CES5A: variants seen among roughly 807,000 people sequenced by gnomAD.
CES5A encodes carboxylesterase 5A.
In CES5A, 67 loss-of-function variants were observed where a neutral mutation model predicts 62.9. That is an observed-to-expected ratio of 1.07 (90% confidence interval 0.88 to 1.31). The LOEUF is 1.31. Ranked by LOEUF, CES5A falls within the 50% of genes most tolerant of loss-of-function variation. The pLI is 0.00. For synonymous variants in CES5A, 296 were observed against 280.8 expected, an observed-to-expected ratio of 1.05 and a Z score of -0.54; for missense variants, 748 against 708.5, an observed-to-expected ratio of 1.06 and a Z score of -0.63.
At chr16:55,948,728 G>A (rs2034523324) in intron 2 of CES5A, among the ~76,000 whole-genome samples, 3 of 152,176 alleles carry the variant, frequency 2.0e-5, no homozygotes, top group South Asian at 4.1e-4. Flanking sequence ...AGCTAGGGAT[G>A]GTGATGGTGG....
At chr16:55,849,533 A>G in intron 11 of CES5A, 91 bp downstream of exon 11, 1 of 1,413,550 alleles carries the variant, frequency 7.1e-7, no homozygotes. Flanking sequence ...GAGGTAATTA[A>G]ATGCCAACCC....
intron 4 of CES5A, among the ~76,000 whole-genome samples, chr16:55,867,594 C>A (rs2033490923): frequency 6.6e-6 from 1 of 152,156 alleles, no homozygotes; most frequent in Non-Finnish European, 1.5e-5. Flanking sequence ...TCAAGCCCTG[C>A]CAATTTTACC....
Position 55,912,364 on chromosome 16 carries a change from T to C in CES5A, c.-256+12959A>G, listed in dbSNP as rs190803196. Among the ~76,000 whole-genome samples, 13 of 152,306 alleles carry C rather than the reference T, an allele frequency of 8.5e-5. No individual in the cohort carries two copies. The East Asian group carries it at 1.9e-3, about 23-fold the overall frequency. ...GCGTCTTTCCTTGTCTGTGAGGAGC[T>C]GTGCTGTGCCGGGTCTCTCTGGGCT... On this transcript the variant is annotated intron_variant, in intron 1 of 12. Transcript: ENST00000518005.
intron 1 of CES5A, among the ~76,000 whole-genome samples, chr16:55,887,123 G>T (rs2033824781): frequency 6.6e-6 from 1 of 152,096 alleles, no homozygotes. Flanking sequence ...GTGCCTCAAA[G>T]GCTAGAACAG....
intron 4 of CES5A, 57 bp from the exon 5 acceptor site, chr16:55,866,173 C>T: frequency 6.5e-7 from 1 of 1,547,252 alleles, no homozygotes; most frequent in Admixed American, 1.9e-5. Context: ...TTTCCCACAG[C>T]CCTGGAAGTT....
At position 55,901,189 on chromosome 16, in the gene CES5A, G is replaced by A. The variant is rs150903445; in HGVS notation, c.-256+24134C>T. ...CAAGATCTGATGGTTTTATAAAGGG[G>A]AGTTCCCCTGCACACTCTCTCACCT... On this transcript the variant is annotated intron_variant, in intron 1 of 12. Transcript: ENST00000518005. Among the ~76,000 whole-genome samples, 934 of 152,212 alleles carry A rather than the reference G, an allele frequency of 6.1e-3. 12 individuals carry two copies. Among genetic ancestry groups the A allele is most frequent in the African/African-American group, 0.022 (902 of 41,508 alleles).
At chr16:55,875,446 G>T (rs1461071551), upstream of CES5A, 1 of 1,124,038 alleles carries the variant, frequency 8.9e-7, no homozygotes, top group Non-Finnish European at 1.2e-6. Context: ...TAACTATTGA[G>T]CTGGGGAAAG....
At position 55,933,318 on chromosome 16, in the gene CES5A, G is replaced by A. The variant is rs147550549; in HGVS notation, c.160+16467C>T. Reference sequence around the variant, plus strand: ...GATATCTCATAAGCACTTTCTGATGGAAATGGACTTACTCAAGATACCCTT... The same window carrying A: ...GATATCTCATAAGCACTTTCTGATGAAAATGGACTTACTCAAGATACCCTT... On this transcript the variant is annotated intron_variant, in intron 2 of 13. Transcript: ENST00000521992. 1.7e-3 allele frequency among the ~76,000 whole-genome samples: 254 copies of A among 152,340 alleles called. 2 individuals are homozygous for A. The highest frequency in any genetic ancestry group is 5.8e-3 in the African/African-American group (243 of 41,578).
chr16:55,860,965 G>T (rs1252938330), intron 7 of CES5A, among the ~76,000 whole-genome samples: 2 of 152,220 alleles, frequency 1.3e-5, no homozygotes, highest in Non-Finnish European at 2.9e-5. Context: ...GATTTTGCTT[G>T]AATACCTGGA....
rs192480846 is a variant in CES5A at position 55,848,723 on chromosome 16, C to T, written c.1423+901G>A. Among the ~76,000 whole-genome samples the T allele has an allele frequency of 5.3e-5, 8 of 152,210 alleles. No individual in the cohort carries two copies. In the East Asian group the frequency reaches 5.8e-4, roughly 11 times the overall value. On this transcript the variant is annotated intron_variant, in intron 11 of 12. Transcript: ENST00000290567. ...GCTCTTCAGACATCAAGGAATTTAA[C>T]CTTTTGATACATATGTTGTTGACTT...
chr16:55,875,523 C>T (rs1306940587), upstream of CES5A, among the ~76,000 whole-genome samples: 1 of 152,204 alleles, frequency 6.6e-6, no homozygotes, highest in Admixed American at 6.5e-5. Flanking sequence ...CCAGGCAAGA[C>T]ATTTTAAGAT....
intron 1 of CES5A, among the ~76,000 whole-genome samples, chr16:55,911,778 G>A (rs890509412): frequency 1.3e-5 from 2 of 152,134 alleles, no homozygotes; most frequent in African/African-American, 4.8e-5. Flanking sequence ...AGAGCAAAAC[G>A]CAGAACTGGG....
At chr16:55,918,745 C>G (rs554572560) in intron 1 of CES5A, among the ~76,000 whole-genome samples, 1 of 152,294 alleles carries the variant, frequency 6.6e-6, no homozygotes, top group East Asian at 1.9e-4. Flanking sequence ...AACACATTCT[C>G]TCCATCACAT....
intron 1 of CES5A, among the ~76,000 whole-genome samples, chr16:55,950,101 G>A (rs1331590503): frequency 6.6e-6 from 1 of 152,072 alleles, no homozygotes; most frequent in Non-Finnish European, 1.5e-5. Context: ...AAAGGCAGAT[G>A]GAGAAGACTG....
chr16:55,891,235 G>A (rs1451643873), intron 1 of CES5A, among the ~76,000 whole-genome samples: 15 of 152,284 alleles, frequency 9.9e-5, no homozygotes, highest in Admixed American at 4.6e-4. Context: ...CCACATGTCC[G>A]GAATAAGAAC....
intron 2 of CES5A, among the ~76,000 whole-genome samples, chr16:55,941,636 T>A (rs1291158291): frequency 6.6e-6 from 1 of 151,938 alleles, no homozygotes; most frequent in Non-Finnish European, 1.5e-5. Context: ...TATATGGACA[T>A]GGAAAAGAAC....
chr16:55,859,782 C>T (rs1358524302), intron 7 of CES5A, 95 bp from the exon 8 acceptor site: 42 of 1,138,956 alleles, frequency 3.7e-5, no homozygotes, highest in Non-Finnish European at 5.1e-5. Context: ...AAAGCCAACC[C>T]AGTCTAGCAC....
chr16:55,944,174 T>A, intron 2 of CES5A: 1 of 698,696 alleles, frequency 1.4e-6, no homozygotes, highest in Non-Finnish European at 2.6e-6. Context: ...TTGTGAAGAC[T>A]TGGGTCCCAG....
At chr16:55,905,370 A>ATTTTTTT (rs368761640) in intron 1 of CES5A, among the ~76,000 whole-genome samples, 2 of 146,428 alleles carry the variant, frequency 1.4e-5, no homozygotes, top group Non-Finnish European at 1.5e-5. Flanking sequence ...TTTAAATCTG[A>ATTTTTTT]CTTTTTTTTT....
Sources: allele counts gnomAD v4.1 joint callset (sites outside exome capture counted in the v4.1 genomes callset), GRCh38; gene constraint gnomAD v4.1.1; transcripts MANE v1.5; gene names NCBI Gene and HGNC (gene_info 2026-07-23, HGNC 2026-07-21).